Variants in CCDC3 observed in about 807,000 individuals in gnomAD.
The protein encoded by CCDC3 is coiled-coil domain containing 3.
In CCDC3, 24 loss-of-function variants were observed where a neutral mutation model predicts 21.4. That is an observed-to-expected ratio of 1.12 (90% confidence interval 0.81 to 1.58). CCDC3 has a LOEUF of 1.58. Among genes scored for constraint, CCDC3 ranks in the 40% most tolerant of loss-of-function variants. CCDC3 has a pLI of 0.00. For missense variants in CCDC3, 425 were observed against 360.9 expected (o/e 1.18, Z -1.44); for synonymous variants, 186 against 166.0 (o/e 1.12, Z -0.93).
intron 5 of CCDC3, among the ~76,000 whole-genome samples, chr10:13,034,743 C>T (rs1347988251): frequency 3.4e-5 from 5 of 148,538 alleles, no homozygotes; most frequent in East Asian, 1.9e-4. Context: ...CCAGGTCTGG[C>T]GCTGGGTGCG....
intron 2 of CCDC3, among the ~76,000 whole-genome samples, chr10:12,945,425 A>C (rs1228782257): frequency 6.6e-6 from 1 of 152,144 alleles, no homozygotes; most frequent in Non-Finnish European, 1.5e-5. Flanking sequence ...GGGAAAAAAA[A>C]AACCCCGAAT....
chr10:12,950,120 TTC>T (rs1406938267), intron 2 of CCDC3, among the ~76,000 whole-genome samples: 1 of 152,198 alleles, frequency 6.6e-6, no homozygotes, highest in Non-Finnish European at 1.5e-5. Context: ...GCATCTACTG[TTC>T]TCTCTCCTTG....
At chr10:12,987,172 C>T (rs1399207531) in intron 2 of CCDC3, among the ~76,000 whole-genome samples, 1 of 152,208 alleles carries the variant, frequency 6.6e-6, no homozygotes, top group Non-Finnish European at 1.5e-5. Context: ...TCTCTCACCT[C>T]CACCAAATCC....
At chr10:12,974,958 C>T (rs1041778860) in intron 2 of CCDC3, among the ~76,000 whole-genome samples, 1 of 152,172 alleles carries the variant, frequency 6.6e-6, no homozygotes, top group Admixed American at 6.5e-5. Context: ...CATTCCTAAC[C>T]CCTGCGAGGT....
intron 5 of CCDC3, among the ~76,000 whole-genome samples, chr10:13,019,181 C>A (rs980357312): frequency 6.6e-6 from 1 of 151,988 alleles, no homozygotes; most frequent in East Asian, 1.9e-4. Context: ...TTACAGTGAG[C>A]CTTGATCGTG....
chr10:13,048,244 T>C (rs6602627), intron 5 of CCDC3, among the ~76,000 whole-genome samples: 21,940 of 152,006 alleles, frequency 0.14, 1,674 homozygotes, highest in East Asian at 0.26. Context: ...CAGACTGGAG[T>C]GCAGTGGCGC....
intron 4 of CCDC3, among the ~76,000 whole-genome samples, chr10:13,060,688 A>G (rs556664134): frequency 2.6e-5 from 4 of 152,236 alleles, no homozygotes; most frequent in South Asian, 4.2e-4. Context: ...AATTTTTTGT[A>G]GAGACAGGGG....
At position 13,079,832 on chromosome 10, in the gene CCDC3, G is replaced by GA. The variant is rs137901866; in HGVS notation, c.-502-5733_-502-5732insT. ...GCAGCAGCGTGGGTGGCTGGCAGAGGCAGGGAAGAGCAGCAGAGAGAGAAA... is the reference window on the plus strand; with the variant it reads ...GCAGCAGCGTGGGTGGCTGGCAGAGGACAGGGAAGAGCAGCAGAGAGAGAAA... On this transcript the variant is annotated intron_variant, in intron 3 of 6. Transcript: ENST00000378839. Among the ~76,000 whole-genome samples the GA allele has an allele frequency of 6.0e-3, 914 of 152,282 alleles. 37 individuals are homozygous for GA. The South Asian group carries it at 0.099, about 16-fold the overall frequency.
chr10:13,050,920 G>A (rs1222430913), intron 4 of CCDC3, among the ~76,000 whole-genome samples: 1 of 152,006 alleles, frequency 6.6e-6, no homozygotes, highest in Non-Finnish European at 1.5e-5. Flanking sequence ...CTGAGTAGCT[G>A]AGACTACAGG....
intron 3 of CCDC3, among the ~76,000 whole-genome samples, chr10:13,097,617 G>C (rs777699174): frequency 2.6e-5 from 4 of 152,316 alleles, no homozygotes; most frequent in Middle Eastern, 3.4e-3. Context: ...CCAGCCACTT[G>C]GGAGGCTGAG....
intron 5 of CCDC3, among the ~76,000 whole-genome samples, chr10:13,028,075 A>G (rs1836247952): frequency 6.6e-6 from 1 of 152,172 alleles, no homozygotes. Context: ...AAAAAGCCAG[A>G]ATGATATGGT....
At chr10:12,967,013 T>G (rs1424079180) in intron 2 of CCDC3, among the ~76,000 whole-genome samples, 1 of 152,190 alleles carries the variant, frequency 6.6e-6, no homozygotes, top group Non-Finnish European at 1.5e-5. Context: ...CTGGAGTCCC[T>G]TCATCTTCTG....
At chr10:12,987,865 C>T (rs1162046435) in intron 2 of CCDC3, among the ~76,000 whole-genome samples, 1 of 152,138 alleles carries the variant, frequency 6.6e-6, no homozygotes, top group Non-Finnish European at 1.5e-5. Flanking sequence ...TATCCCAGAG[C>T]CAGCCATTTC....
At chr10:13,081,575 C>A (rs1837039682) in intron 3 of CCDC3, among the ~76,000 whole-genome samples, 2 of 152,200 alleles carry the variant, frequency 1.3e-5, no homozygotes, top group South Asian at 4.1e-4. Context: ...CTTAATCTAT[C>A]TTCTCTTTTT....
chr10:13,008,733 T>G (rs939402423), intron 5 of CCDC3, among the ~76,000 whole-genome samples: 7 of 152,188 alleles, frequency 4.6e-5, no homozygotes, highest in African/African-American at 1.7e-4. Flanking sequence ...GTTATATGCT[T>G]ACAAAAAGAG....
intron 2 of CCDC3, among the ~76,000 whole-genome samples, chr10:12,900,136 G>T (rs1834070166): frequency 6.6e-6 from 1 of 152,156 alleles, no homozygotes; most frequent in South Asian, 2.1e-4. Flanking sequence ...GACCTCCCCA[G>T]GCATGTGGAA....
intron 2 of CCDC3, among the ~76,000 whole-genome samples, chr10:12,977,800 T>A (rs563209158): frequency 6.6e-6 from 1 of 152,208 alleles, no homozygotes; most frequent in African/African-American, 2.4e-5. Flanking sequence ...ATGAAAAGAA[T>A]TGCATTTAAA....
chr10:12,929,817 G>A (rs79022176), intron 2 of CCDC3, among the ~76,000 whole-genome samples: 7,403 of 152,250 alleles, frequency 0.049, 371 homozygotes, highest in African/African-American at 0.12. Flanking sequence ...GGGGCGGGGG[G>A]ATGATCAAAC....
At chr10:13,072,449 G>A (rs183971831) in intron 4 of CCDC3, among the ~76,000 whole-genome samples, 3 of 152,330 alleles carry the variant, frequency 2.0e-5, no homozygotes, top group Admixed American at 2.0e-4. Context: ...GGTGTCCCCA[G>A]AGAATCTCCG....
Sources: gnomAD v4.1 joint callset for allele counts (sites outside exome capture counted in the v4.1 genomes callset) on GRCh38, gnomAD v4.1.1 for gene constraint, MANE v1.5 for transcripts, NCBI Gene and HGNC (gene_info 2026-07-23, HGNC 2026-07-21) for gene names.